The following USP6 variants were observed in gnomAD, a reference collection of about 807,000 sequenced individuals.
USP6 encodes ubiquitin carboxyl-terminal hydrolase 6.
USP6 carries 128 observed loss-of-function variants against 175.7 expected under a neutral mutation model. The ratio of observed to expected loss-of-function variants is 0.73; its 90% CI spans 0.63 to 0.84. The LOEUF is 0.84. USP6 is among the 40% of genes least tolerant of loss of function. The pLI, the probability that USP6 is intolerant of heterozygous loss-of-function variation, is 0.00. For synonymous variants in USP6, 562 were observed against 630.6 expected, an observed-to-expected ratio of 0.89 and a Z score of 1.63; for missense variants, 1,498 against 1,760.3, an observed-to-expected ratio of 0.85 and a Z score of 2.67.
At chr17:5,160,152 G>T (rs1362273745) in intron 31 of USP6, among the ~76,000 whole-genome samples, 4 of 152,082 alleles carry the variant, frequency 2.6e-5, no homozygotes, top group African/African-American at 9.7e-5. Context: ...CTTATTGCTG[G>T]CCTGAGTTGG....
chr17:5,150,759 C>T (rs1348023889), intron 30 of USP6, among the ~76,000 whole-genome samples: 1 of 152,168 alleles, frequency 6.6e-6, no homozygotes, highest in Non-Finnish European at 1.5e-5. Flanking sequence ...TCCCGAAGTG[C>T]TGGGTTTACA....
Position 5,161,615 on chromosome 17 carries a change from G to T in USP6, c.2915+1G>T. 1 of 1,613,660 alleles carries T rather than the reference G, an allele frequency of 6.2e-7. No individual in the cohort carries two copies. The highest frequency in any genetic ancestry group is 1.1e-5 in the South Asian group (1 of 91,034). ...CCTGTGCTTGGTGCCCACAGTATAGGTAAAGTGACCTGCAAAAGAATTACT... is the reference window on the plus strand; with the variant it reads ...CCTGTGCTTGGTGCCCACAGTATAGTTAAAGTGACCTGCAAAAGAATTACT... On this transcript the variant is annotated splice_donor_variant, in intron 32 of 37. Coordinates refer to ENST00000574788, the MANE Select transcript of USP6 (RefSeq NM_001304284.2). LOFTEE classifies it high-confidence loss of function.
intron 4 of USP6, chr17:5,123,080 G>C (rs2072749222): frequency 6.5e-6 from 1 of 153,274 alleles, no homozygotes; most frequent in South Asian, 1.8e-4. Flanking sequence ...GCTCCGAAGA[G>C]ATGGGCCCCA....
chr17:5,150,935 G>A (rs1211621217), intron 30 of USP6, among the ~76,000 whole-genome samples: 8 of 152,056 alleles, frequency 5.3e-5, no homozygotes, highest in South Asian at 4.1e-4. Flanking sequence ...TCTTTGGCTT[G>A]TGACTACATA....
rs995194350 is a variant in USP6 at position 5,138,843 on chromosome 17, G to T, written c.1079-412G>T. ...TGGCATGGACTGGGCAGCCCAGGGG[G>T]GCAGAGGGTGACCCACGTCCGGGCC... On this transcript the variant is annotated intron_variant, in intron 21 of 37. Transcript: ENST00000574788. The T allele has an allele frequency of 7.3e-6, 4 of 545,734 alleles. No individual in the cohort carries two copies. In the African/African-American group the frequency reaches 7.6e-5, roughly 10 times the overall value. The allele number at this position is 545,734 out of a possible 1,614,324, so 33.8% of individuals were successfully genotyped here. A position where few individuals can be genotyped will look rare whatever the true frequency, so the allele number is the denominator to read the frequency against.
chr17:5,170,379 T>C (rs2074187526), intron 35 of USP6, 100 bp from the exon 36 acceptor site: 2 of 1,507,864 alleles, frequency 1.3e-6, no homozygotes, highest in Non-Finnish European at 8.9e-7. Context: ...TCTTTACCTT[T>C]GTGTGTACAG....
intron 30 of USP6, among the ~76,000 whole-genome samples, chr17:5,154,330 A>G (rs1294094697): frequency 6.6e-6 from 1 of 152,194 alleles, no homozygotes. Flanking sequence ...TAAATACCAA[A>G]CTTCTTAGAG....
intron 34 of USP6, among the ~76,000 whole-genome samples, chr17:5,168,527 T>C (rs2074143875): frequency 6.6e-6 from 1 of 152,242 alleles, no homozygotes; most frequent in African/African-American, 2.4e-5. Flanking sequence ...CCACTGCACA[T>C]AGTCACGTGG....
At chr17:5,122,505 G>A (rs965343503) in intron 4 of USP6, among the ~76,000 whole-genome samples, 2 of 152,230 alleles carry the variant, frequency 1.3e-5, no homozygotes, top group Admixed American at 1.3e-4. Flanking sequence ...AAGGACAAGC[G>A]GCCCGGCGGT....
In USP6 at chr17:5,137,184, G is replaced by A. The variant is rs371507243; in HGVS notation, c.823G>A (p.Gly275Arg). 16 of 1,612,710 alleles carry A rather than the reference G, an allele frequency of 9.9e-6. No homozygotes were observed. Among genetic ancestry groups the A allele is most frequent in the African/African-American group, 4.0e-5 (3 of 74,892 alleles). Reference protein sequence around the residue: ...LGCLLRNLIDGISLGLTLRLW... With the variant: ...LGCLLRNLIDRISLGLTLRLW... ...CTGCCTTCTCCGGAACCTGATTGAC[G>A]GGGTAAGGAGGCATAGGGAGACCCT... The change falls in exon 19 of 38, where the codon GGG becomes AGG. Residue 275 changes from glycine (G) to arginine (R), a missense_variant and splice_region_variant. Around this residue, in one of 2 missense-constraint regions of USP6, gnomAD observed 1,217 missense variants for 1,500.8 expected, o/e 0.81. Coordinates refer to ENST00000574788, the MANE Select transcript of USP6 (RefSeq NM_001304284.2).
At position 5,170,627 on chromosome 17, in the gene USP6, G is replaced by A. The variant is rs755494569; in HGVS notation, c.3666G>A (p.Lys1222=). The A allele has an allele frequency of 1.2e-5, 19 of 1,613,706 alleles. No homozygotes were observed. Among genetic ancestry groups the A allele is most frequent in the East Asian group, 2.2e-5 (1 of 44,878 alleles). Residue 1222 remains lysine, a synonymous_variant, in exon 36 of 38, where the codon AAG becomes AAA. Transcript: ENST00000574788. The stretch of plus-strand genomic sequence containing the variant: ...GCAAAAATAAGCCGTCAAGTAGTAA[G>A]AAGAACTTGGATGCCAGCAAAGAGA... The part of the protein sequence containing the change: ...IGSKNKPSSS[K]KNLDASKENG...
Position 5,141,448 on chromosome 17 carries a change from C to G in USP6, c.1522C>G (p.Pro508Ala), listed in dbSNP as rs149140799. 6.2e-7 allele frequency: 1 copy of G among 1,608,886 alleles called. No homozygotes were observed. Among genetic ancestry groups the G allele is most frequent in the East Asian group, 2.2e-5 (1 of 44,684 alleles). ...AGTTCACAACAAAGATATGAGTTGG[C>G]CTGAGGAGATGTCTTTTACAGCAAA... ...GEVHNKDMSW[P>A]EEMSFTANSS... is the part of the protein sequence containing the mutation. Residue 508 changes from proline to alanine, a missense_variant, in exon 23 of 38, where the codon CCT (proline) becomes GCT (alanine). Around this residue, in one of 2 missense-constraint regions of USP6, gnomAD observed 1,217 missense variants for 1,500.8 expected, o/e 0.81. Transcript: ENST00000574788.
rs1269272341 is a variant in USP6, at chr17:5,142,518, T to A, written c.1818+16T>A. The A allele has an allele frequency of 1.3e-6, 2 of 1,599,656 alleles. No individual in the cohort carries two copies. The highest frequency in any genetic ancestry group is 1.7e-6 in the Non-Finnish European group (2 of 1,173,364). Reference sequence around the variant, plus strand: ...AAAGCTTCGGGTAAGCAGGTTAAAATAATATAAAAGTATTTAATTCCTAAA... The same window carrying A: ...AAAGCTTCGGGTAAGCAGGTTAAAAAAATATAAAAGTATTTAATTCCTAAA... On this transcript the variant is annotated intron_variant, in intron 25 of 37. Coordinates refer to ENST00000574788, the MANE Select transcript of USP6 (RefSeq NM_001304284.2).
Position 5,168,931 on chromosome 17 carries a change from C to G in USP6, c.3393C>G (p.Ser1131=). 6.2e-7 allele frequency: 1 copy of G among 1,613,994 alleles called. No homozygotes were observed. The highest frequency in any genetic ancestry group is 1.7e-4 in the Middle Eastern group (1 of 6,056). The change falls in exon 35 of 38, where the codon TCC becomes TCG. Residue 1131 remains serine (S), a synonymous_variant. Transcript: ENST00000574788. ...KPLTPQGDEL[S]KPRILAREVK... is the part of the protein sequence containing the mutation. Reference sequence around the variant, plus strand: ...TCACACCCCAGGGGGATGAGCTCTCCAAGCCCAGGATTCTGGCAAGAGAGG... The same window carrying G: ...TCACACCCCAGGGGGATGAGCTCTCGAAGCCCAGGATTCTGGCAAGAGAGG...
At chr17:5,143,407 C>T (rs540654313) in intron 25 of USP6, among the ~76,000 whole-genome samples, 268 of 152,316 alleles carry the variant, frequency 1.8e-3, no homozygotes, top group Non-Finnish European at 2.8e-3. Flanking sequence ...TTGTTCTGTA[C>T]TAAGAAAAAT....
chr17:5,142,604 GTT>G (rs1408718389), intron 25 of USP6, 102 bp downstream of exon 25: 1 of 1,443,576 alleles, frequency 6.9e-7, no homozygotes, highest in Middle Eastern at 1.8e-4. Context: ...CTTAATGAAC[GTT>G]TTTGGATCCT....
chr17:5,117,700 G>T (rs886114900), intron 1 of USP6, among the ~76,000 whole-genome samples: 4 of 152,092 alleles, frequency 2.6e-5, no homozygotes, highest in African/African-American at 7.2e-5. Flanking sequence ...CATTCCAGCT[G>T]CCCTGTAGAG....
chr17:5,137,086 C>A, intron 18 of USP6, 35 bp from the exon 19 acceptor site: 1 of 1,611,016 alleles, frequency 6.2e-7, no homozygotes, highest in Non-Finnish European at 8.5e-7. Flanking sequence ...TAGGGCAGCC[C>A]AGGGGGCCCT....
At chr17:5,145,102 G>A (rs1475505599) in intron 26 of USP6, among the ~76,000 whole-genome samples, 1 of 152,088 alleles carries the variant, frequency 6.6e-6, no homozygotes, top group Non-Finnish European at 1.5e-5. Context: ...CTGGATGTAG[G>A]AATAATTGTC....
Sources: allele counts gnomAD v4.1 joint callset (sites outside exome capture counted in the v4.1 genomes callset), GRCh38; gene constraint gnomAD v4.1.1; regional missense constraint gnomAD v4.1.1; transcripts MANE v1.5; gene names NCBI Gene and HGNC (gene_info 2026-07-23, HGNC 2026-07-21).